CRHR1: variants seen among roughly 807,000 people sequenced by gnomAD.
CRHR1 encodes the protein corticotropin releasing hormone receptor 1, also known as corticotropin-releasing hormone receptor 1.
Under a neutral mutation model 56.0 loss-of-function variants are expected in CRHR1, and 28 were observed. The ratio of observed to expected loss-of-function variants is 0.50; its 90% CI spans 0.37 to 0.69. CRHR1 has a LOEUF of 0.69. Among genes scored for constraint, CRHR1 ranks in the 30% least tolerant of loss-of-function variants. The probability of loss-of-function intolerance (pLI) is 0.00; values close to 1 mark genes in which losing one functional copy is unlikely to be tolerated. For synonymous variants in CRHR1, 195 were observed against 216.5 expected (o/e 0.90, Z 0.87); for missense variants, 376 against 548.0 (o/e 0.69, Z 3.13).
intron 4 of CRHR1, among the ~76,000 whole-genome samples, chr17:45,823,768 C>T (rs1038310083): frequency 1.3e-5 from 2 of 152,182 alleles, no homozygotes; most frequent in Non-Finnish European, 2.9e-5. Context: ...TTTGGTTAGC[C>T]CCACCCCTGG....
At chr17:45,829,090 C>T (rs1598444030) in intron 4 of CRHR1, 125 bp from the exon 5 acceptor site, 24 of 708,546 alleles carry the variant, frequency 3.4e-5, no homozygotes, top group South Asian at 3.3e-4. Flanking sequence ...TCAGCAGATG[C>T]TCAGGAAGGG....
chr17:45,821,149 A>G (rs1274458291), intron 3 of CRHR1, among the ~76,000 whole-genome samples: 1 of 152,092 alleles, frequency 6.6e-6, no homozygotes, highest in East Asian at 1.9e-4. Context: ...GGAGCCACCA[A>G]CCCCTGCTGG....
chr17:45,813,196 T>C (rs566739831), intron 2 of CRHR1, among the ~76,000 whole-genome samples: 162 of 152,284 alleles, frequency 1.1e-3, no homozygotes, highest in African/African-American at 3.2e-3. Context: ...GCCAGGAGCG[T>C]GGCGCCTGAG....
At chr17:45,829,971 A>G in intron 5 of CRHR1, 123 bp from the exon 6 acceptor site, 1 of 1,470,156 alleles carries the variant, frequency 6.8e-7, no homozygotes, top group Non-Finnish European at 9.3e-7. Context: ...TGACTTGGCC[A>G]GTCAGCCCCA....
rs1393844930 is a variant in CRHR1, at chr17:45,833,535, C to T, written c.927C>T (p.Tyr309=). ...CCACCACGTCTGAGACCATTCAGTA[C>T]AGGTAACCGGGTACCACCTTCCTCA... ...RASTTSETIQ[Y]RKAVKATLVL... Residue 309 remains tyrosine (Y), a splice_region_variant and synonymous_variant, in exon 10 of 13, where the codon TAC becomes TAT. Coordinates refer to ENST00000314537, the MANE Select transcript of CRHR1 (RefSeq NM_004382.5). 3.1e-6 allele frequency: 5 copies of T among 1,613,894 alleles called. No homozygotes were observed. The African/African-American group carries it at 5.3e-5, about 17-fold the overall frequency.
chr17:45,800,021 C>T (rs962776189), intron 1 of CRHR1: 2 of 153,486 alleles, frequency 1.3e-5, no homozygotes, highest in Non-Finnish European at 2.9e-5. Context: ...TCACCTCCTC[C>T]AGGAAGCCTG....
intron 1 of CRHR1, among the ~76,000 whole-genome samples, chr17:45,788,376 G>C (rs1324678467): frequency 6.6e-6 from 1 of 152,186 alleles, no homozygotes; most frequent in South Asian, 2.1e-4. Context: ...TCATGTCTCT[G>C]TGAAAGGTCT....
chr17:45,799,297 A>G (rs2061577446), intron 1 of CRHR1: 1 of 152,230 alleles, frequency 6.6e-6, no homozygotes, highest in African/African-American at 2.4e-5. Context: ...CTGCTCTTGT[A>G]TTCAATTAGT....
At chr17:45,818,792 C>T (rs2061979262) in intron 3 of CRHR1, among the ~76,000 whole-genome samples, 1 of 152,188 alleles carries the variant, frequency 6.6e-6, no homozygotes, top group South Asian at 2.1e-4. Flanking sequence ...ACTTCTAGGC[C>T]TTCTCCCTAA....
intron 4 of CRHR1, among the ~76,000 whole-genome samples, chr17:45,825,213 C>T (rs2062132954): frequency 6.6e-6 from 1 of 152,192 alleles, no homozygotes. Flanking sequence ...ATGGGACTTG[C>T]AAGGGCACCT....
chr17:45,829,406 T>C (rs755152483), intron 5 of CRHR1, 85 bp downstream of exon 5: 52 of 1,400,478 alleles, frequency 3.7e-5, no homozygotes, highest in Non-Finnish European at 5.0e-5. Flanking sequence ...CAGCTCTAGG[T>C]TGGGGTGGGG....
intron 1 of CRHR1, among the ~76,000 whole-genome samples, chr17:45,791,731 G>A (rs982791632): frequency 1.3e-5 from 2 of 151,828 alleles, no homozygotes; most frequent in Non-Finnish European, 2.9e-5. Context: ...ACCACCCCCA[G>A]GGCTGCTCCT....
chr17:45,800,621 G>T (rs1448549895), intron 1 of CRHR1: 1 of 152,282 alleles, frequency 6.6e-6, no homozygotes, highest in Non-Finnish European at 1.5e-5. Context: ...GAGGAGTCAG[G>T]TGACTCACCG....
chr17:45,791,353 C>T (rs1446236482), intron 1 of CRHR1, among the ~76,000 whole-genome samples: 2 of 152,178 alleles, frequency 1.3e-5, no homozygotes, highest in Non-Finnish European at 2.9e-5. Flanking sequence ...GCACTGGGGA[C>T]CCAACTGCAC....
At chr17:45,795,829 C>T (rs536654568) in intron 1 of CRHR1, among the ~76,000 whole-genome samples, 4 of 152,286 alleles carry the variant, frequency 2.6e-5, no homozygotes, top group South Asian at 2.1e-4. Flanking sequence ...AATCAGAGGA[C>T]GGGGCCGTTG....
chr17:45,830,845 G>A (rs768685904), intron 7 of CRHR1, 35 bp from the exon 8 acceptor site: 19 of 1,605,746 alleles, frequency 1.2e-5, no homozygotes, highest in Non-Finnish European at 1.5e-5. Context: ...TCCAGCCCCC[G>A]CTGAGGGCTC....
intron 6 of CRHR1, 63 bp downstream of exon 6, chr17:45,830,277 C>T (rs1468778259): frequency 7.8e-7 from 1 of 1,279,998 alleles, no homozygotes; most frequent in Non-Finnish European, 1.1e-6. Flanking sequence ...GAGGGGCCCG[C>T]CTGCCCTGCA....
chr17:45,794,605 C>T (rs1315588733), intron 1 of CRHR1, among the ~76,000 whole-genome samples: 2 of 152,216 alleles, frequency 1.3e-5, no homozygotes, highest in Non-Finnish European at 2.9e-5. Flanking sequence ...TTGGTTTACT[C>T]AGACCCCTTA....
At position 45,807,121 on chromosome 17, in the gene CRHR1, G is replaced by A. The variant is rs1200499104; in HGVS notation, c.121+24G>A. ...AGGTGAGTCCCCTCAACCCCCTCCT[G>A]CAAGATTCCTGGTCACCACAATGCC... On this transcript the variant is annotated intron_variant, in intron 2 of 12. Coordinates refer to ENST00000314537, the MANE Select transcript of CRHR1 (RefSeq NM_004382.5). The A allele has an allele frequency of 5.0e-6, 8 of 1,607,280 alleles. No individual in the cohort carries two copies. The African/African-American group carries it at 5.3e-5, about 11-fold the overall frequency.
Sources: allele counts gnomAD v4.1 joint callset (sites outside exome capture counted in the v4.1 genomes callset), GRCh38; gene constraint gnomAD v4.1.1; transcripts MANE v1.5; gene names NCBI Gene and HGNC (gene_info 2026-07-23, HGNC 2026-07-21).